UBTD2: variants seen among roughly 807,000 people sequenced by gnomAD.
UBTD2 encodes ubiquitin domain-containing protein 2.
UBTD2 carries 9 observed loss-of-function variants against 19.8 expected under a neutral mutation model. That is an observed-to-expected ratio of 0.46 (90% confidence interval 0.27 to 0.79). The LOEUF is 0.79. Ranked by LOEUF, UBTD2 falls within the 30% of genes least tolerant of loss-of-function variation. UBTD2 has a pLI of 0.14. For synonymous variants in UBTD2, 98 were observed against 103.9 expected, an observed-to-expected ratio of 0.94 and a Z score of 0.35; for missense variants, 250 against 300.4, an observed-to-expected ratio of 0.83 and a Z score of 1.24.
rs147594161 is a variant in UBTD2, at chr5:172,241,725, A to G, written c.71-7367T>C. ...AATAAAAGTTTTTTTAAAAAGAAGTATAAGGCTGGTTGGGTGTGCTGGCTC... is the reference window on the plus strand; with the variant it reads ...AATAAAAGTTTTTTTAAAAAGAAGTGTAAGGCTGGTTGGGTGTGCTGGCTC... On this transcript the variant is annotated intron_variant, in intron 1 of 2. Coordinates refer to ENST00000393792, the MANE Select transcript of UBTD2 (RefSeq NM_152277.3). Among the ~76,000 whole-genome samples the G allele has an allele frequency of 1.9e-3, 283 of 152,284 alleles. 1 individual carries two copies. Among genetic ancestry groups the G allele is most frequent in the African/African-American group, 6.5e-3 (271 of 41,562 alleles).
intron 2 of UBTD2, among the ~76,000 whole-genome samples, chr5:172,233,648 C>A (rs954011589): frequency 2.0e-5 from 3 of 151,990 alleles, no homozygotes; most frequent in Non-Finnish European, 4.4e-5. Flanking sequence ...CTTATTATGC[C>A]AAAAATAGGC....
At chr5:172,229,393 T>C (rs571222036) in intron 2 of UBTD2, among the ~76,000 whole-genome samples, 88 of 149,520 alleles carry the variant, frequency 5.9e-4, no homozygotes, top group Non-Finnish European at 1.1e-3. Flanking sequence ...CCCAGCTACT[T>C]GGGAGGCTGA....
chr5:172,266,508 C>A (rs542812495), intron 1 of UBTD2, among the ~76,000 whole-genome samples: 27 of 152,332 alleles, frequency 1.8e-4, no homozygotes, highest in Admixed American at 9.8e-4. Flanking sequence ...CATCCACCGG[C>A]CCCTTTTCCA....
chr5:172,273,799 T>C (rs187068092), intron 1 of UBTD2, among the ~76,000 whole-genome samples: 141 of 152,206 alleles, frequency 9.3e-4, no homozygotes, highest in African/African-American at 3.1e-3. Context: ...TCTAATATTT[T>C]CCGACTGTAG....
intron 1 of UBTD2, among the ~76,000 whole-genome samples, chr5:172,258,770 G>A (rs1479566887): frequency 6.6e-6 from 1 of 152,116 alleles, no homozygotes; most frequent in Non-Finnish European, 1.5e-5. Flanking sequence ...ATGTTATTGT[G>A]TATAGAAATG....
At chr5:172,234,393 A>G (rs1381335997) in intron 1 of UBTD2, 35 bp from the exon 2 acceptor site, 1 of 1,531,354 alleles carries the variant, frequency 6.5e-7, no homozygotes, top group Non-Finnish European at 9.0e-7. Context: ...GATCAAACCC[A>G]AAATTTATAA....
chr5:172,261,115 G>C (rs1755260357), intron 1 of UBTD2, among the ~76,000 whole-genome samples: 1 of 152,156 alleles, frequency 6.6e-6, no homozygotes, highest in Non-Finnish European at 1.5e-5. Flanking sequence ...GACCACTGTA[G>C]GTTCCCCCTC....
chr5:172,229,500 C>CAA (rs5873303), intron 2 of UBTD2, among the ~76,000 whole-genome samples: 539 of 56,882 alleles, frequency 9.5e-3, no homozygotes, highest in South Asian at 0.013. Context: ...GACTCCGTCT[C>CAA]AAAAAAAAAA....
intron 1 of UBTD2, among the ~76,000 whole-genome samples, chr5:172,278,128 C>A (rs1237365471): frequency 2.0e-5 from 3 of 152,086 alleles, no homozygotes; most frequent in Non-Finnish European, 1.5e-5. Flanking sequence ...AAGGTAAACA[C>A]AGAATTACCA....
intron 1 of UBTD2, among the ~76,000 whole-genome samples, chr5:172,237,503 A>C (rs1426700972): frequency 1.3e-5 from 2 of 152,218 alleles, no homozygotes; most frequent in Non-Finnish European, 2.9e-5. Context: ...CATAATATAG[A>C]ATATCTGTCT....
chr5:172,238,416 T>C (rs540173295), intron 1 of UBTD2, among the ~76,000 whole-genome samples: 15 of 152,292 alleles, frequency 9.8e-5, no homozygotes, highest in African/African-American at 2.9e-4. Context: ...TAAAGCAATC[T>C]AATCTTAAAA....
rs1050524917 is a variant in UBTD2 at position 172,283,188 on chromosome 5, G to A, written c.70+408C>T. ...AACAAGGAAGGGTGCGGAAAGATGT[G>A]GCGGGGCCCGTCGGAGGGAACGCAT... On this transcript the variant is annotated intron_variant, in intron 1 of 2. Coordinates refer to ENST00000393792, the MANE Select transcript of UBTD2 (RefSeq NM_152277.3). This position sits in a 1 kb window ranked among gnomAD's most constrained non-coding sequence, Gnocchi z 4.3. Among the ~76,000 whole-genome samples, 3 of 152,172 alleles carry A rather than the reference G, an allele frequency of 2.0e-5. No homozygotes were observed. The highest frequency in any genetic ancestry group is 1.3e-4 in the Admixed American group (2 of 15,276).
intron 1 of UBTD2, among the ~76,000 whole-genome samples, chr5:172,251,042 C>T (rs531174290): frequency 5.3e-5 from 8 of 151,114 alleles, no homozygotes; most frequent in South Asian, 2.1e-4. Context: ...AGGCCGGGCA[C>T]GGTAGCTCAC....
chr5:172,222,874 T>C (rs1771681096), intron 2 of UBTD2, among the ~76,000 whole-genome samples: 1 of 152,172 alleles, frequency 6.6e-6, no homozygotes, highest in African/African-American at 2.4e-5. Context: ...ACAGGTAAAT[T>C]AAACGTTCAA....
chr5:172,230,677 T>C (rs1331519446), intron 2 of UBTD2, among the ~76,000 whole-genome samples: 2 of 152,108 alleles, frequency 1.3e-5, no homozygotes, highest in African/African-American at 2.4e-5. Context: ...CTGAACTAAA[T>C]AATAGTCAAG....
At chr5:172,233,914 A>AAT (rs1252286741) in intron 2 of UBTD2, among the ~76,000 whole-genome samples, 1 of 152,142 alleles carries the variant, frequency 6.6e-6, no homozygotes, top group East Asian at 1.9e-4. Context: ...ATATTTAAAA[A>AAT]ATATATACGT....
intron 1 of UBTD2, among the ~76,000 whole-genome samples, chr5:172,271,170 C>T (rs185320275): frequency 1.3e-5 from 2 of 152,076 alleles, no homozygotes; most frequent in African/African-American, 4.8e-5. Context: ...GTGGCTCACA[C>T]CTATAATCCC....
intron 2 of UBTD2, among the ~76,000 whole-genome samples, chr5:172,223,914 A>C (rs1771707805): frequency 6.6e-6 from 1 of 152,144 alleles, no homozygotes; most frequent in African/African-American, 2.4e-5. Flanking sequence ...TTGAGAAATG[A>C]ATCACAAGGA....
intron 2 of UBTD2, among the ~76,000 whole-genome samples, chr5:172,225,625 T>C (rs1771748725): frequency 6.6e-6 from 1 of 152,242 alleles, no homozygotes; most frequent in African/African-American, 2.4e-5. Flanking sequence ...TTGTAAAAGT[T>C]AAAAATCAGT....
Sources: allele counts gnomAD v4.1 joint callset (sites outside exome capture counted in the v4.1 genomes callset), GRCh38; gene constraint gnomAD v4.1.1; non-coding constraint Gnocchi (gnomAD v3.1); transcripts MANE v1.5; gene names NCBI Gene and HGNC (gene_info 2026-07-23, HGNC 2026-07-21).